The following FRMD3 variants were observed in gnomAD, a reference collection of about 807,000 sequenced individuals.
FRMD3 encodes the protein FERM domain containing 3.
Under a neutral mutation model 70.2 loss-of-function variants are expected in FRMD3, and 33 were observed. The ratio of observed to expected loss-of-function variants is 0.47; its 90% CI spans 0.36 to 0.63. FRMD3 has a LOEUF of 0.63. Ranked by LOEUF, FRMD3 falls within the 20% of genes least tolerant of loss-of-function variation. The probability of loss-of-function intolerance (pLI) is 0.00; values close to 1 mark genes in which losing one functional copy is unlikely to be tolerated. For missense variants in FRMD3, 632 were observed against 711.4 expected, an observed-to-expected ratio of 0.89 and a Z score of 1.27; for synonymous variants, 279 against 255.9, an observed-to-expected ratio of 1.09 and a Z score of -0.86.
intron 1 of FRMD3, among the ~76,000 whole-genome samples, chr9:83,395,495 C>A (rs549886131): frequency 6.6e-6 from 1 of 152,046 alleles, no homozygotes; most frequent in Non-Finnish European, 1.5e-5. Flanking sequence ...CTCTCCACCC[C>A]CAACAAGTTT....
intron 13 of FRMD3, among the ~76,000 whole-genome samples, chr9:83,273,964 C>T (rs1468700603): frequency 6.6e-6 from 1 of 152,046 alleles, no homozygotes; most frequent in Non-Finnish European, 1.5e-5. Flanking sequence ...ACTGTAAGTA[C>T]ACGCCATCAA....
At chr9:83,343,657 C>T (rs117631386) in intron 4 of FRMD3, among the ~76,000 whole-genome samples, 1 of 152,226 alleles carries the variant, frequency 6.6e-6, no homozygotes, top group South Asian at 2.1e-4. Flanking sequence ...GCACATGCTG[C>T]CCAAGCTCTG....
intron 1 of FRMD3, among the ~76,000 whole-genome samples, chr9:83,515,804 G>A (rs999280954): frequency 6.6e-6 from 1 of 152,130 alleles, no homozygotes; most frequent in Non-Finnish European, 1.5e-5. Context: ...AAGAGAGTGG[G>A]GGCCAATATT....
At chr9:83,483,745 A>C (rs1828623379) in intron 1 of FRMD3, among the ~76,000 whole-genome samples, 1 of 152,200 alleles carries the variant, frequency 6.6e-6, no homozygotes, top group South Asian at 2.1e-4. Context: ...CTGTAGTCCT[A>C]GCTACCCAAG....
At position 83,247,650 on chromosome 9, in the gene FRMD3, T is replaced by C. The variant is rs530155213; in HGVS notation, c.*268A>G. ...GTAACATGTATTATGATATAATAGA[T>C]GAAGGGTATGTCTACACTATAATAA... is the stretch of plus-strand genomic sequence containing the variant. On this transcript the variant is annotated 3_prime_UTR_variant, in exon 14 of 14. Coordinates refer to ENST00000304195, the MANE Select transcript of FRMD3 (RefSeq NM_174938.6). 12 of 1,127,038 alleles carry C rather than the reference T, an allele frequency of 1.1e-5. No individual in the cohort carries two copies. Among genetic ancestry groups the C allele is most frequent in the South Asian group, 5.6e-5 (2 of 35,816 alleles). 69.8% of individuals were successfully genotyped at this position (1,127,038 alleles called of 1,614,324 possible). A position where few individuals can be genotyped will look rare whatever the true frequency, so the allele number is the denominator to read the frequency against.
At chr9:83,349,627 G>T in intron 4 of FRMD3, 52 bp downstream of exon 4, 2 of 1,325,566 alleles carry the variant, frequency 1.5e-6, no homozygotes, top group Non-Finnish European at 2.1e-6. Flanking sequence ...AGACCAAAGA[G>T]ATTCTGGCTG....
At chr9:83,364,329 C>T (rs998854519) in intron 3 of FRMD3, among the ~76,000 whole-genome samples, 4 of 152,152 alleles carry the variant, frequency 2.6e-5, no homozygotes, top group African/African-American at 7.2e-5. Flanking sequence ...GAGACTGAGG[C>T]GGGGGCGTCA....
chr9:83,246,477 G>T lies in FRMD3; in HGVS notation c.*1441C>A. The stretch of plus-strand genomic sequence containing the variant: ...GAGCACTGGTCCCCTCTACAGTCTG[G>T]TTAGGGTCATGTCACTACTTTACCC... On this transcript the variant is annotated 3_prime_UTR_variant, in exon 14 of 14. Coordinates refer to ENST00000304195, the MANE Select transcript of FRMD3 (RefSeq NM_174938.6). The T allele has an allele frequency of 1.0e-6, 1 of 985,058 alleles. No individual in the cohort carries two copies. The highest frequency in any genetic ancestry group is 1.2e-6 in the Non-Finnish European group (1 of 829,832). 61.0% of individuals were successfully genotyped at this position (985,058 alleles called of 1,614,324 possible). A position where few individuals can be genotyped will look rare whatever the true frequency, so the allele number is the denominator to read the frequency against.
At chr9:83,454,428 C>A (rs1827759544) in intron 1 of FRMD3, among the ~76,000 whole-genome samples, 1 of 152,134 alleles carries the variant, frequency 6.6e-6, no homozygotes, top group Non-Finnish European at 1.5e-5. Context: ...AAGAGTTACA[C>A]CCACATTTGC....
chr9:83,412,423 G>A (rs573374188), intron 1 of FRMD3, among the ~76,000 whole-genome samples: 57 of 152,194 alleles, frequency 3.7e-4, no homozygotes, highest in Non-Finnish European at 7.3e-4. Context: ...AAGATATATA[G>A]TATGAGTTTC....
At chr9:83,293,322 C>CTTGCAGGA (rs1405482697) in intron 12 of FRMD3, among the ~76,000 whole-genome samples, 1 of 152,170 alleles carries the variant, frequency 6.6e-6, no homozygotes, top group Non-Finnish European at 1.5e-5. Flanking sequence ...GCAAGGACAA[C>CTTGCAGGA]ATACTGTCAT....
upstream of FRMD3, among the ~76,000 whole-genome samples, chr9:83,542,524 T>G (rs1480721646): frequency 1.3e-5 from 2 of 152,202 alleles, no homozygotes; most frequent in East Asian, 1.9e-4. Flanking sequence ...AGATTTCAGG[T>G]CTTCCCAAAT....
Position 83,310,396 on chromosome 9 carries a change from G to A in FRMD3, c.837+89C>T. 4.9e-6 allele frequency: 5 copies of A among 1,023,904 alleles called. No individual in the cohort carries two copies. In the South Asian group the frequency reaches 7.0e-5, roughly 14 times the overall value. The allele number at this position is 1,023,904 out of a possible 1,614,324, so 63.4% of individuals were successfully genotyped here. Reference sequence around the variant, plus strand: ...CATACACTTCAAAGTCATGGTCTTTGGCGACTACAATACTAAAGGCATATT... The same window carrying A: ...CATACACTTCAAAGTCATGGTCTTTAGCGACTACAATACTAAAGGCATATT... On this transcript the variant is annotated intron_variant, in intron 9 of 13. Coordinates refer to ENST00000304195, the MANE Select transcript of FRMD3 (RefSeq NM_174938.6).
the FRMD3 span, among the ~76,000 whole-genome samples, chr9:83,566,314 A>T: frequency 2.0e-5 from 3 of 152,144 alleles, no homozygotes; most frequent in Non-Finnish European, 4.4e-5. Context: ...CCATGGTTCA[A>T]TTACCTTCTC....
At chr9:83,298,851 TAGTC>T (rs773527868) in intron 11 of FRMD3, 35 bp from the exon 12 acceptor site, 7 of 1,593,712 alleles carry the variant, frequency 4.4e-6, no homozygotes, top group African/African-American at 2.7e-5. Context: ...TATGCACACA[TAGTC>T]AGAGAAGAAT....
chr9:83,568,941 T>G, the FRMD3 span, among the ~76,000 whole-genome samples: 1 of 125,630 alleles, frequency 8.0e-6, no homozygotes, highest in Non-Finnish European at 1.7e-5. Flanking sequence ...GATAGATAGA[T>G]AGATAGATAG....
intron 1 of FRMD3, among the ~76,000 whole-genome samples, chr9:83,469,801 C>T (rs934543230): frequency 6.6e-5 from 10 of 152,174 alleles, no homozygotes; most frequent in African/African-American, 2.2e-4. Flanking sequence ...ATAATTAAAA[C>T]TCATGCAGCC....
At chr9:83,327,494 A>G (rs1399012680) in intron 6 of FRMD3, among the ~76,000 whole-genome samples, 1 of 152,108 alleles carries the variant, frequency 6.6e-6, no homozygotes, top group Non-Finnish European at 1.5e-5. Context: ...TGGACTTTAG[A>G]AGACTTTTCT....
At chr9:83,275,651 A>G (rs954966819) in intron 13 of FRMD3, among the ~76,000 whole-genome samples, 3 of 152,252 alleles carry the variant, frequency 2.0e-5, no homozygotes, top group Non-Finnish European at 2.9e-5. Context: ...TAGATTGTGC[A>G]GTAAGATAAT....
Sources: gnomAD v4.1 joint callset for allele counts (sites outside exome capture counted in the v4.1 genomes callset) on GRCh38, gnomAD v4.1.1 for gene constraint, MANE v1.5 for transcripts, NCBI Gene and HGNC (gene_info 2026-07-23, HGNC 2026-07-21) for gene names.